The following CNTLN variants were observed in gnomAD, a reference collection of about 807,000 sequenced individuals.
CNTLN encodes centlein, centrosomal protein.
CNTLN carries 212 observed loss-of-function variants against 180.0 expected under a neutral mutation model. That is an observed-to-expected ratio of 1.18 (90% CI 1.05 to 1.32). The LOEUF (loss-of-function observed/expected upper bound fraction) is 1.32, where lower values mean the gene tolerates loss of function less well. Ranked by LOEUF, CNTLN falls within the 40% of genes most tolerant of loss-of-function variation. The pLI is 0.00. For missense variants in CNTLN, 2,095 were observed against 1,610.9 expected, an observed-to-expected ratio of 1.30 and a Z score of -5.14; for synonymous variants, 722 against 563.1, an observed-to-expected ratio of 1.28 and a Z score of -3.99.
At chr9:17,264,239 T>A (rs1246610144) in intron 5 of CNTLN, among the ~76,000 whole-genome samples, 2 of 148,620 alleles carry the variant, frequency 1.3e-5, no homozygotes, top group African/African-American at 5.1e-5. Context: ...AAGGAAGGGA[T>A]CCAGTTTCAG....
chr9:17,250,726 G>A (rs934835582), intron 5 of CNTLN, among the ~76,000 whole-genome samples: 1 of 151,990 alleles, frequency 6.6e-6, no homozygotes, highest in Non-Finnish European at 1.5e-5. Flanking sequence ...TAGTTTTTAT[G>A]TAGTTTATAT....
intron 2 of CNTLN, among the ~76,000 whole-genome samples, chr9:17,174,620 C>T (rs146028240): frequency 0.019 from 2,864 of 151,538 alleles, 58 homozygotes; most frequent in African/African-American, 0.05. Flanking sequence ...TGCTTCAACC[C>T]GGGAGGCGGA....
At chr9:17,190,870 C>G (rs576492174) in intron 2 of CNTLN, among the ~76,000 whole-genome samples, 1 of 152,160 alleles carries the variant, frequency 6.6e-6, no homozygotes, top group Non-Finnish European at 1.5e-5. Context: ...GTAAAGACCT[C>G]TGTTACCATA....
intron 18 of CNTLN, among the ~76,000 whole-genome samples, chr9:17,442,477 C>A (rs114679608): frequency 6.6e-6 from 1 of 152,146 alleles, no homozygotes; most frequent in Non-Finnish European, 1.5e-5. Context: ...CAGCTCACTG[C>A]ACCCTGCACC....
At chr9:17,269,172 T>C (rs1335658682) in intron 5 of CNTLN, among the ~76,000 whole-genome samples, 2 of 152,222 alleles carry the variant, frequency 1.3e-5, no homozygotes, top group East Asian at 1.9e-4. Context: ...TATTCGGCCA[T>C]GTTGGCTCCA....
intron 5 of CNTLN, among the ~76,000 whole-genome samples, chr9:17,261,963 C>T (rs909424746): frequency 6.6e-6 from 1 of 151,438 alleles, no homozygotes; most frequent in Admixed American, 6.6e-5. Flanking sequence ...ATGATGCCAA[C>T]AAACATAGGA....
intron 2 of CNTLN, among the ~76,000 whole-genome samples, chr9:17,189,231 C>G (rs989052593): frequency 2.7e-5 from 4 of 150,346 alleles, no homozygotes; most frequent in African/African-American, 9.7e-5. Flanking sequence ...TACAGCTGCC[C>G]GCCACTACGC....
rs868503950 is a variant in CNTLN at position 17,197,151 on chromosome 9, A to C, written c.450-29052A>C. Among the ~76,000 whole-genome samples the C allele has an allele frequency of 7.9e-5, 12 of 152,258 alleles. 1 individual carries two copies. In the South Asian group the frequency reaches 8.3e-4, roughly 11 times the overall value. On this transcript the variant is annotated intron_variant, in intron 2 of 25. Transcript: ENST00000380647. ...TTAAATAAAAATAATAATAGGGCCT[A>C]CTTCAAAGGGCTATTGTATAATAAG...
At chr9:17,276,513 C>T (rs1338876580) in intron 6 of CNTLN, among the ~76,000 whole-genome samples, 1 of 152,050 alleles carries the variant, frequency 6.6e-6, no homozygotes, top group Non-Finnish European at 1.5e-5. Context: ...CTTTGAAGTT[C>T]ATAGTCATTT....
At chr9:17,515,322 A>C in the CNTLN span, among the ~76,000 whole-genome samples, 1 of 152,174 alleles carries the variant, frequency 6.6e-6, no homozygotes, top group South Asian at 2.1e-4. Flanking sequence ...TGTTAGGGGT[A>C]CTACCAGGCT....
intron 2 of CNTLN, among the ~76,000 whole-genome samples, chr9:17,149,529 T>C (rs1818703791): frequency 6.8e-6 from 1 of 146,146 alleles, no homozygotes. Context: ...TTTTTTTTTT[T>C]TTTTTAGAGA....
At chr9:17,296,720 C>T (rs1225212733) in intron 6 of CNTLN, among the ~76,000 whole-genome samples, 2 of 152,114 alleles carry the variant, frequency 1.3e-5, no homozygotes, top group Non-Finnish European at 2.9e-5. Context: ...GTTCTCTTCT[C>T]TCCCCTTTCC....
intron 25 of CNTLN, among the ~76,000 whole-genome samples, chr9:17,492,170 G>A (rs1034985603): frequency 6.6e-6 from 1 of 151,676 alleles, no homozygotes; most frequent in Admixed American, 6.6e-5. Context: ...GCCTACTTTC[G>A]TATCACTAGA....
chr9:17,509,643 G>C, the CNTLN span, among the ~76,000 whole-genome samples: 1 of 152,116 alleles, frequency 6.6e-6, no homozygotes, highest in Non-Finnish European at 1.5e-5. Context: ...TCCCCAGAAG[G>C]CTGTATACAC....
At chr9:17,145,718 G>C (rs532083324) in intron 2 of CNTLN, among the ~76,000 whole-genome samples, 2 of 152,218 alleles carry the variant, frequency 1.3e-5, no homozygotes, top group East Asian at 3.9e-4. Flanking sequence ...ACTCACGTTT[G>C]TCATCATAGG....
chr9:17,463,048 T>A (rs1181258476), intron 20 of CNTLN, 35 bp downstream of exon 20: 17 of 1,294,562 alleles, frequency 1.3e-5, no homozygotes, highest in Non-Finnish European at 1.9e-5. Flanking sequence ...TTGTATTTGG[T>A]GCCACCTAGT....
intron 6 of CNTLN, among the ~76,000 whole-genome samples, chr9:17,292,015 A>G (rs951742922): frequency 2.6e-5 from 4 of 152,152 alleles, no homozygotes; most frequent in African/African-American, 9.7e-5. Flanking sequence ...TTACCTCAGC[A>G]TTTGCTTCTC....
chr9:17,509,067 C>T, the CNTLN span, among the ~76,000 whole-genome samples: 1 of 152,222 alleles, frequency 6.6e-6, no homozygotes, highest in Admixed American at 6.5e-5. Flanking sequence ...GCTTCTTTCT[C>T]CAACCACCCC....
chr9:17,408,969 C>T (rs1827627166), intron 15 of CNTLN, among the ~76,000 whole-genome samples: 1 of 152,068 alleles, frequency 6.6e-6, no homozygotes, highest in African/African-American at 2.4e-5. Flanking sequence ...ACTTTTCTGG[C>T]CTTGTTGGGA....
Sources: allele counts gnomAD v4.1 joint callset (sites outside exome capture counted in the v4.1 genomes callset), GRCh38; gene constraint gnomAD v4.1.1; transcripts MANE v1.5; gene names NCBI Gene and HGNC (gene_info 2026-07-23, HGNC 2026-07-21).